The following GPM6A variants were observed in gnomAD, a reference collection of about 807,000 sequenced individuals.
The protein encoded by GPM6A is neuronal membrane glycoprotein M6-a.
A neutral mutation model predicts 32.1 loss-of-function variants in GPM6A; 7 were observed. That is an observed-to-expected ratio of 0.22 (90% confidence interval 0.12 to 0.41). The LOEUF (loss-of-function observed/expected upper bound fraction) is 0.41. GPM6A is among the 10% of genes least tolerant of loss of function. The pLI is 1.00. For synonymous variants in GPM6A, 130 were observed against 123.4 expected (o/e 1.05, Z -0.35); for missense variants, 235 against 347.2 (o/e 0.68, Z 2.57).
chr4:175,844,484 T>G (rs1184508308), intron 1 of GPM6A, among the ~76,000 whole-genome samples: 1 of 152,220 alleles, frequency 6.6e-6, no homozygotes, highest in African/African-American at 2.4e-5. Flanking sequence ...GGTCTTCTTT[T>G]GATTTTGGTC....
At chr4:175,857,872 T>A (rs1028626926) in intron 1 of GPM6A, among the ~76,000 whole-genome samples, 1 of 152,014 alleles carries the variant, frequency 6.6e-6, no homozygotes, top group Non-Finnish European at 1.5e-5. Context: ...TTCTAAATAG[T>A]GGAAGAAAGA....
intron 1 of GPM6A, among the ~76,000 whole-genome samples, chr4:175,753,216 A>T (rs995803305): frequency 6.6e-6 from 1 of 152,174 alleles, no homozygotes; most frequent in Admixed American, 6.6e-5. Context: ...TAATTTTACC[A>T]TGAAACATAT....
At chr4:175,856,354 T>C (rs1053866443) in intron 1 of GPM6A, among the ~76,000 whole-genome samples, 15 of 152,178 alleles carry the variant, frequency 9.9e-5, no homozygotes, top group African/African-American at 3.1e-4. Flanking sequence ...CTCAAACTGC[T>C]TGTGGGAGGG....
At chr4:175,965,959 G>A (rs1390672460) in intron 1 of GPM6A, among the ~76,000 whole-genome samples, 2 of 152,050 alleles carry the variant, frequency 1.3e-5, no homozygotes, top group Non-Finnish European at 2.9e-5. Context: ...AAGCTAACAA[G>A]GGAATATTAC....
chr4:175,796,753 G>A (rs1181134108), intron 1 of GPM6A, among the ~76,000 whole-genome samples: 3 of 151,984 alleles, frequency 2.0e-5, no homozygotes, highest in Non-Finnish European at 4.4e-5. Flanking sequence ...TAATTCCTAT[G>A]GGAACTCATT....
chr4:175,848,363 G>A lies in GPM6A; in HGVS notation c.-22-36114C>T, dbSNP rs149897272. 3.8e-3 allele frequency among the ~76,000 whole-genome samples: 585 copies of A among 152,168 alleles called. 1 individual carries two copies. The highest frequency in any genetic ancestry group is 0.013 in the African/African-American group (532 of 41,516). On this transcript the variant is annotated intron_variant, in intron 1 of 7. Coordinates refer to the GPM6A transcript ENST00000280187. ...GAAATAAAACTATTTCATTCCTTCTGGGACTCATCAGATGACAGAGTTCTT... is the reference window on the plus strand; with the variant it reads ...GAAATAAAACTATTTCATTCCTTCTAGGACTCATCAGATGACAGAGTTCTT...
At chr4:175,896,118 C>G (rs989084849) in intron 1 of GPM6A, among the ~76,000 whole-genome samples, 1 of 152,160 alleles carries the variant, frequency 6.6e-6, no homozygotes, top group Non-Finnish European at 1.5e-5. Flanking sequence ...AGTAAACTCA[C>G]TAGTTTCCAT....
At chr4:175,987,138 A>G (rs1045428599) in intron 1 of GPM6A, among the ~76,000 whole-genome samples, 1 of 152,308 alleles carries the variant, frequency 6.6e-6, no homozygotes, top group Non-Finnish European at 1.5e-5. Context: ...TTATTATACC[A>G]AGTACCATAT....
intron 1 of GPM6A, among the ~76,000 whole-genome samples, chr4:175,818,623 C>T (rs537398435): frequency 9.2e-5 from 14 of 152,282 alleles, no homozygotes; most frequent in African/African-American, 2.4e-4. Flanking sequence ...ACTGAATAAA[C>T]GAATAATGAT....
intron 1 of GPM6A, among the ~76,000 whole-genome samples, chr4:175,715,903 T>C (rs892155901): frequency 6.7e-6 from 1 of 148,872 alleles, no homozygotes; most frequent in African/African-American, 2.6e-5. Context: ...CCATCTCTAC[T>C]AAATATACAA....
At chr4:175,715,040 G>A (rs2111101378) in intron 1 of GPM6A, among the ~76,000 whole-genome samples, 1 of 151,856 alleles carries the variant, frequency 6.6e-6, no homozygotes, top group East Asian at 1.9e-4. Context: ...CACCTGTGGG[G>A]TTTTGATATC....
At chr4:175,752,138 A>G (rs1732360018) in intron 1 of GPM6A, among the ~76,000 whole-genome samples, 1 of 152,136 alleles carries the variant, frequency 6.6e-6, no homozygotes, top group African/African-American at 2.4e-5. Flanking sequence ...TGGTCTACCT[A>G]GTAATTTTAT....
At chr4:175,949,635 T>A (rs1405228400) in intron 1 of GPM6A, among the ~76,000 whole-genome samples, 4 of 152,204 alleles carry the variant, frequency 2.6e-5, no homozygotes, top group African/African-American at 2.4e-5. Context: ...CATCTTCTTA[T>A]CAAGAGCTAA....
chr4:175,812,922 C>T, upstream of GPM6A: 1 of 985,166 alleles, frequency 1.0e-6, no homozygotes, highest in Non-Finnish European at 1.2e-6. Context: ...GGTTTATCTG[C>T]AAAAGTTTAT....
chr4:175,674,842 A>T (rs1743275072), intron 2 of GPM6A, among the ~76,000 whole-genome samples: 1 of 152,130 alleles, frequency 6.6e-6, no homozygotes, highest in Admixed American at 6.5e-5. Context: ...GCATACTTTT[A>T]TAGTGGCATG....
At chr4:175,676,556 G>C (rs1743378235) in intron 2 of GPM6A, among the ~76,000 whole-genome samples, 1 of 152,104 alleles carries the variant, frequency 6.6e-6, no homozygotes, top group Admixed American at 6.6e-5. Context: ...AAACCAGCCT[G>C]GTCAACATAG....
intron 1 of GPM6A, among the ~76,000 whole-genome samples, chr4:175,763,872 T>C (rs17599985): frequency 0.015 from 2,277 of 152,344 alleles, 34 homozygotes; most frequent in South Asian, 0.026. Context: ...ATAACATCTT[T>C]GTGAAGTTCT....
chr4:175,718,442 C>T (rs935165693), intron 1 of GPM6A, among the ~76,000 whole-genome samples: 4 of 151,856 alleles, frequency 2.6e-5, no homozygotes, highest in African/African-American at 4.8e-5. Context: ...ATGGTGAAAC[C>T]CCATCTCTAC....
intron 1 of GPM6A, among the ~76,000 whole-genome samples, chr4:175,795,309 T>C (rs1288111595): frequency 6.6e-6 from 1 of 152,124 alleles, no homozygotes. Flanking sequence ...AGGCAGCCTC[T>C]TCGAAGGCAC....
Sources: gnomAD v4.1 joint callset for allele counts (sites outside exome capture counted in the v4.1 genomes callset) on GRCh38, gnomAD v4.1.1 for gene constraint, MANE v1.5 for transcripts, NCBI Gene and HGNC (gene_info 2026-07-23, HGNC 2026-07-21) for gene names.